The following VPS13B variants were observed in gnomAD, a reference collection of about 807,000 sequenced individuals.
VPS13B encodes the protein vacuolar protein sorting 13 homolog B.
In VPS13B, 285 loss-of-function variants were observed where a neutral mutation model predicts 426.4. The ratio of observed to expected loss-of-function variants is 0.67; its 90% CI spans 0.61 to 0.74. The LOEUF (loss-of-function observed/expected upper bound fraction) is 0.74, where lower values mean the gene tolerates loss of function less well. VPS13B is among the 30% of genes least tolerant of loss of function. The pLI, the probability that VPS13B is intolerant of heterozygous loss-of-function variation, is 0.00. For missense variants in VPS13B, 4,537 were observed against 4,782.6 expected (o/e 0.95, Z 1.51); for synonymous variants, 1,676 against 1,676.4 (o/e 1.00, Z 0.01).
At chr8:99,339,677 C>T (rs908993745) in intron 19 of VPS13B, among the ~76,000 whole-genome samples, 2 of 151,208 alleles carry the variant, frequency 1.3e-5, no homozygotes, top group Non-Finnish European at 2.9e-5. Flanking sequence ...TAATGTTTTA[C>T]GGAAAGGGAA....
chr8:99,607,228 T>C (rs1369981611), intron 33 of VPS13B, among the ~76,000 whole-genome samples: 2 of 152,208 alleles, frequency 1.3e-5, no homozygotes, highest in African/African-American at 4.8e-5. Flanking sequence ...AAAATCTTTG[T>C]GAATACCCAA....
At chr8:99,618,152 G>C (rs1179739212) in intron 33 of VPS13B, among the ~76,000 whole-genome samples, 1 of 152,066 alleles carries the variant, frequency 6.6e-6, no homozygotes, top group Non-Finnish European at 1.5e-5. Flanking sequence ...TTTCCTCTGT[G>C]TGATATTGTG....
chr8:99,640,634 T>C (rs981672281), intron 33 of VPS13B, among the ~76,000 whole-genome samples: 12 of 152,200 alleles, frequency 7.9e-5, no homozygotes, highest in African/African-American at 2.9e-4. Flanking sequence ...TCAGCACTAA[T>C]TGAAAACTTG....
chr8:99,381,586 A>G (rs1214094414), intron 19 of VPS13B, among the ~76,000 whole-genome samples: 1 of 152,182 alleles, frequency 6.6e-6, no homozygotes, highest in Non-Finnish European at 1.5e-5. Context: ...TGACGTTTTA[A>G]TAATAGCTGT....
rs752638505 is a variant in VPS13B, at chr8:99,121,411, G to T, written c.1172G>T (p.Gly391Val). The change falls in exon 8 of 62, where the codon GGA becomes GTA. Residue 391 changes from glycine to valine, a missense_variant. Coordinates refer to ENST00000357162, the MANE Select transcript of VPS13B (RefSeq NM_152564.5). The part of the protein sequence containing the change: ...QTLKDPIVSI[G>V]FYCTKATVTF... ...TTGAAGGATCCTATTGTTTCTATAG[G>T]ATTTTATTGCACAAAGGCAACGGTG... is the stretch of plus-strand genomic sequence containing the variant. 6.2e-7 allele frequency: 1 copy of T among 1,614,134 alleles called. No individual in the cohort carries two copies. The highest frequency in any genetic ancestry group is 1.1e-5 in the South Asian group (1 of 91,076).
intron 19 of VPS13B, among the ~76,000 whole-genome samples, chr8:99,363,925 C>A (rs1812699756): frequency 6.6e-6 from 1 of 152,064 alleles, no homozygotes; most frequent in Non-Finnish European, 1.5e-5. Flanking sequence ...GATAATTTAA[C>A]TTGTTTCTTT....
intron 17 of VPS13B, chr8:99,209,894 T>C (rs1210950095): frequency 9.8e-6 from 3 of 306,166 alleles, no homozygotes; most frequent in Non-Finnish European, 1.2e-5. Context: ...TGTTAATATT[T>C]GGTTCGTACT....
At chr8:99,371,814 T>C (rs989613721) in intron 19 of VPS13B, among the ~76,000 whole-genome samples, 6 of 152,172 alleles carry the variant, frequency 3.9e-5, no homozygotes, top group Non-Finnish European at 7.3e-5. Flanking sequence ...TTCCTAGCCA[T>C]ATGCAGAAAA....
In VPS13B at chr8:99,870,808, T is replaced by G; in HGVS notation, c.11416T>G (p.Ser3806Ala). The change falls in exon 60 of 62, where the codon TCT (serine) becomes GCT (alanine). Residue 3806 changes from serine (S) to alanine (A), a missense_variant. Around this residue, in one of 2 missense-constraint regions of VPS13B, gnomAD observed 4,311 missense variants for 4,474.3 expected, o/e 0.96. Coordinates refer to ENST00000357162, the MANE Select transcript of VPS13B (RefSeq NM_152564.5). ...AGGTATTTTACATGGAGCTGGACTTTCTCAGCTTCCCAAACAGCGCCATCA... is the reference window on the plus strand; with the variant it reads ...AGGTATTTTACATGGAGCTGGACTTGCTCAGCTTCCCAAACAGCGCCATCA... Reference protein sequence around the residue: ...GYGILHGAGLSQLPKQRHQPS... With the variant: ...GYGILHGAGLAQLPKQRHQPS... The G allele has an allele frequency of 6.2e-7, 1 of 1,614,196 alleles. No individual in the cohort carries two copies. Among genetic ancestry groups the G allele is most frequent in the Non-Finnish European group, 8.5e-7 (1 of 1,180,020 alleles).
intron 23 of VPS13B, among the ~76,000 whole-genome samples, chr8:99,447,872 T>C (rs1817999219): frequency 6.6e-6 from 1 of 152,016 alleles, no homozygotes; most frequent in South Asian, 2.1e-4. Context: ...ACTATTATAC[T>C]CTGTCTTTTC....
At chr8:99,093,104 ATAT>A (rs1846232031) in intron 3 of VPS13B, among the ~76,000 whole-genome samples, 1 of 152,018 alleles carries the variant, frequency 6.6e-6, no homozygotes, top group Non-Finnish European at 1.5e-5. Flanking sequence ...TATACAAATA[ATAT>A]TATAAATTTT....
chr8:99,183,142 C>CA (rs1235299554), intron 16 of VPS13B, among the ~76,000 whole-genome samples: 1 of 152,140 alleles, frequency 6.6e-6, no homozygotes, highest in Non-Finnish European at 1.5e-5. Context: ...AGAATGAACT[C>CA]ATGGTTTTTA....
intron 3 of VPS13B, among the ~76,000 whole-genome samples, chr8:99,071,013 C>T (rs867125645): frequency 3.3e-5 from 5 of 151,996 alleles, no homozygotes; most frequent in Non-Finnish European, 2.9e-5. Flanking sequence ...TCTTGAAGTT[C>T]GTTGAGCTTA....
intron 18 of VPS13B, among the ~76,000 whole-genome samples, chr8:99,274,752 A>T (rs940952257): frequency 6.6e-6 from 1 of 152,092 alleles, no homozygotes; most frequent in Non-Finnish European, 1.5e-5. Flanking sequence ...AATATATTTT[A>T]AAAACCATTT....
intron 19 of VPS13B, among the ~76,000 whole-genome samples, chr8:99,327,340 G>GAATTTACATTAATCTACATT (rs1810329831): frequency 6.6e-6 from 1 of 152,124 alleles, no homozygotes; most frequent in African/African-American, 2.4e-5. Context: ...TTTCAAAATG[G>GAATTTACATTAATCTACATT]AATTTACATT....
chr8:99,857,873 T>G (rs1473925780), intron 56 of VPS13B, among the ~76,000 whole-genome samples: 1 of 152,210 alleles, frequency 6.6e-6, no homozygotes, highest in Non-Finnish European at 1.5e-5. Flanking sequence ...GTAATCTTTA[T>G]CTTCCAGAAA....
chr8:99,572,547 T>C (rs1825533571), intron 31 of VPS13B, among the ~76,000 whole-genome samples: 1 of 151,224 alleles, frequency 6.6e-6, no homozygotes, highest in South Asian at 2.1e-4. Flanking sequence ...AGTGAGAACA[T>C]TCGGTGTTTG....
chr8:99,336,051 C>T (rs1462200050), intron 19 of VPS13B, among the ~76,000 whole-genome samples: 29 of 152,184 alleles, frequency 1.9e-4, no homozygotes, highest in East Asian at 1.5e-3. Flanking sequence ...GAGCCCGCAT[C>T]GCCAAGTCAA....
intron 55 of VPS13B, among the ~76,000 whole-genome samples, chr8:99,849,509 T>C (rs999257515): frequency 5.3e-5 from 8 of 152,194 alleles, no homozygotes; most frequent in African/African-American, 1.9e-4. Context: ...TGATGTTGTA[T>C]CATATACAGT....
Sources: gnomAD v4.1 joint callset for allele counts (sites outside exome capture counted in the v4.1 genomes callset) on GRCh38, gnomAD v4.1.1 for gene constraint, gnomAD v4.1.1 regional missense constraint, MANE v1.5 for transcripts, NCBI Gene and HGNC (gene_info 2026-07-23, HGNC 2026-07-21) for gene names.